The following ZNF430 variants were observed in gnomAD, a reference collection of about 807,000 sequenced individuals.
The protein encoded by ZNF430 is zinc finger protein 430.
ZNF430 carries 35 observed loss-of-function variants against 56.7 expected under a neutral mutation model. That is an observed-to-expected ratio of 0.62 (90% CI 0.47 to 0.82). ZNF430 has a LOEUF of 0.82. Among genes scored for constraint, ZNF430 ranks in the 40% least tolerant of loss-of-function variants. The pLI is 0.00. For missense variants in ZNF430, 574 were observed against 661.0 expected, an observed-to-expected ratio of 0.87 and a Z score of 1.44; for synonymous variants, 212 against 224.3, an observed-to-expected ratio of 0.94 and a Z score of 0.49.
At chr19:21,024,045 C>CT (rs559783673) in intron 2 of ZNF430, among the ~76,000 whole-genome samples, 63 of 152,268 alleles carry the variant, frequency 4.1e-4, no homozygotes, top group Non-Finnish European at 8.1e-4. Context: ...GTGAGTAACT[C>CT]TAACATAGAA....
At chr19:21,022,948 T>C in intron 2 of ZNF430, 67 bp downstream of exon 2, 1 of 1,167,660 alleles carries the variant, frequency 8.6e-7, no homozygotes, top group Non-Finnish European at 1.3e-6. Context: ...GACACATTGC[T>C]GGTCAACCAA....
intron 2 of ZNF430, among the ~76,000 whole-genome samples, chr19:21,029,202 A>G (rs1459263790): frequency 1.3e-5 from 2 of 152,332 alleles, no homozygotes; most frequent in African/African-American, 4.8e-5. Context: ...AACTGGATAC[A>G]TGGGTGAATT....
At chr19:21,041,524 T>C (rs897152836) in intron 4 of ZNF430, among the ~76,000 whole-genome samples, 1 of 152,228 alleles carries the variant, frequency 6.6e-6, no homozygotes, top group African/African-American at 2.4e-5. Flanking sequence ...TTTTTGTGTG[T>C]TCTGGGATAC....
In ZNF430 at chr19:21,057,138, C is replaced by G. The variant is rs1968393390; in HGVS notation, c.830C>G (p.Thr277Ser). 6.2e-7 allele frequency: 1 copy of G among 1,614,044 alleles called. No individual in the cohort carries two copies. Among genetic ancestry groups the G allele is most frequent in the East Asian group, 2.2e-5 (1 of 44,864 alleles). ...GKAFKQSSTL[T>S]THKIIHTGEK... ...GCTTTTAAGCAGTCCTCAACCCTTA[C>G]TACACATAAGATAATTCATACTGGA... The change falls in exon 5 of 5, where the codon ACT (threonine) becomes AGT (serine). Residue 277 changes from threonine to serine, a missense_variant. Coordinates refer to ENST00000261560, the MANE Select transcript of ZNF430 (RefSeq NM_025189.4).
At chr19:21,023,103 GAC>G (rs2144746402) in intron 2 of ZNF430, among the ~76,000 whole-genome samples, 1 of 152,214 alleles carries the variant, frequency 6.6e-6, no homozygotes, top group Admixed American at 6.5e-5. Context: ...TATCCCAAAA[GAC>G]AAAAAGAAAA....
Position 21,059,110 on chromosome 19 carries a change from A to G in ZNF430, c.*1089A>G, listed in dbSNP as rs1032858848. On this transcript the variant is annotated 3_prime_UTR_variant, in exon 5 of 5. Coordinates refer to ENST00000261560, the MANE Select transcript of ZNF430 (RefSeq NM_025189.4). Reference sequence around the variant, plus strand: ...GACACCAGAGTTCATACTAAAATATATTTTTGCAGATGCAGTAAAAATGAA... The same window carrying G: ...GACACCAGAGTTCATACTAAAATATGTTTTTGCAGATGCAGTAAAAATGAA... The G allele has an allele frequency of 6.0e-4, 91 of 152,234 alleles. 1 individual carries two copies. Among genetic ancestry groups the G allele is most frequent in the African/African-American group, 2.0e-3 (83 of 41,466 alleles). 9.4% of individuals were successfully genotyped at this position (152,234 alleles called of 1,614,324 possible). A position where few individuals can be genotyped will look rare whatever the true frequency, so the allele number is the denominator to read the frequency against.
intron 2 of ZNF430, among the ~76,000 whole-genome samples, chr19:21,026,810 C>CT (rs1967804819): frequency 9.1e-6 from 1 of 109,690 alleles, no homozygotes; most frequent in Admixed American, 1.0e-4. Context: ...GTTTGGATGC[C>CT]TTTTTTCTTT....
chr19:21,054,669 CTTTTTTTTTT>C (rs55772412), intron 4 of ZNF430, among the ~76,000 whole-genome samples: 3 of 65,594 alleles, frequency 4.6e-5, no homozygotes, highest in East Asian at 5.4e-4. Context: ...ATTTTTACGT[CTTTTTTTTTT>C]TTTTTTTTTT....
intron 4 of ZNF430, among the ~76,000 whole-genome samples, chr19:21,053,900 TTTC>T (rs1379739438): frequency 6.6e-6 from 1 of 152,204 alleles, no homozygotes; most frequent in Non-Finnish European, 1.5e-5. Context: ...CTTTTACTTC[TTTC>T]TTATTTTGTT....
intron 2 of ZNF430, among the ~76,000 whole-genome samples, chr19:21,029,258 T>C (rs1386392033): frequency 2.0e-5 from 3 of 152,102 alleles, no homozygotes; most frequent in African/African-American, 4.8e-5. Context: ...CCAAAAAAAA[T>C]TGGGGCCACT....
chr19:21,025,650 C>T (rs1315086119), intron 2 of ZNF430, among the ~76,000 whole-genome samples: 2 of 151,872 alleles, frequency 1.3e-5, no homozygotes, highest in African/African-American at 4.8e-5. Context: ...GCAACGGCAT[C>T]ATCTCGGCTC....
chr19:21,048,665 G>A (rs944636648), intron 4 of ZNF430, among the ~76,000 whole-genome samples: 37 of 152,010 alleles, frequency 2.4e-4, no homozygotes, highest in Admixed American at 6.5e-4. Flanking sequence ...AACCGCCATC[G>A]TCATCATGGC....
intron 2 of ZNF430, among the ~76,000 whole-genome samples, chr19:21,032,338 A>G (rs549800012): frequency 6.6e-6 from 1 of 152,338 alleles, no homozygotes; most frequent in East Asian, 1.9e-4. Context: ...TATAAAACTG[A>G]TGTATCTTTA....
At chr19:21,038,707 C>T (rs1320527518) in intron 4 of ZNF430, among the ~76,000 whole-genome samples, 4 of 152,132 alleles carry the variant, frequency 2.6e-5, no homozygotes, top group South Asian at 2.1e-4. Flanking sequence ...GCATTACAGG[C>T]GTGAGCCACT....
At chr19:21,045,081 C>T (rs1302471057) in intron 4 of ZNF430, among the ~76,000 whole-genome samples, 1 of 151,902 alleles carries the variant, frequency 6.6e-6, no homozygotes, top group African/African-American at 2.4e-5. Context: ...CTTTCAGTTT[C>T]ACTTGGATTC....
chr19:21,045,445 T>C (rs112240864), intron 4 of ZNF430, among the ~76,000 whole-genome samples: 10,787 of 152,194 alleles, frequency 0.071, 466 homozygotes, highest in Non-Finnish European at 0.086. Flanking sequence ...GAGACTGTTA[T>C]GATTTCAGTT....
chr19:21,020,668 T>C lies in ZNF430; in HGVS notation c.-133T>C. On this transcript the variant is annotated 5_prime_UTR_variant, in exon 1 of 5. Coordinates refer to ENST00000261560, the MANE Select transcript of ZNF430 (RefSeq NM_025189.4). ...TTGGCGGGGCCTTTGTCCCTCGCTG[T>C]GGCCTGAGCTCCAGGTCTCGTCTTC... is the stretch of plus-strand genomic sequence containing the variant. 7.4e-7 allele frequency: 1 copy of C among 1,348,002 alleles called. No individual in the cohort carries two copies. Among genetic ancestry groups the C allele is most frequent in the Non-Finnish European group, 1.0e-6 (1 of 954,360 alleles). The allele number at this position is 1,348,002 out of a possible 1,614,324, so 83.5% of individuals were successfully genotyped here. A position where few individuals can be genotyped will look rare whatever the true frequency, so the allele number is the denominator to read the frequency against.
rs1352270752 is a variant in ZNF430, at chr19:21,057,102, A to G, written c.794A>G (p.Gln265Arg). Residue 265 changes from glutamine to arginine, a missense_variant, in exon 5 of 5, where the codon CAA (glutamine) becomes CGA (arginine). Transcript: ENST00000261560. ...HTGEKPYKCE[Q>R]CGKAFKQSST... ...GGAGAGAAACCCTACAAATGTGAAC[A>G]ATGTGGCAAAGCTTTTAAGCAGTCC... 1 of 1,614,156 alleles carries G rather than the reference A, an allele frequency of 6.2e-7. No homozygotes were observed. The highest frequency in any genetic ancestry group is 1.7e-5 in the Admixed American group (1 of 60,024).
chr19:21,047,541 G>A (rs1968202809), intron 4 of ZNF430, among the ~76,000 whole-genome samples: 1 of 152,134 alleles, frequency 6.6e-6, no homozygotes, highest in African/African-American at 2.4e-5. Flanking sequence ...TGTTCATGCT[G>A]TTTTTGTTGT....
Sources: allele counts gnomAD v4.1 joint callset (sites outside exome capture counted in the v4.1 genomes callset), GRCh38; gene constraint gnomAD v4.1.1; transcripts MANE v1.5; gene names NCBI Gene and HGNC (gene_info 2026-07-23, HGNC 2026-07-21).